Variants in FAM53B observed in about 807,000 individuals in gnomAD.
The protein encoded by FAM53B is protein FAM53B.
A neutral mutation model predicts 32.7 loss-of-function variants in FAM53B; 12 were observed. That is an observed-to-expected ratio of 0.37 (90% CI 0.24 to 0.59). The LOEUF (loss-of-function observed/expected upper bound fraction) is 0.59, where lower values mean the gene tolerates loss of function less well. Among genes scored for constraint, FAM53B ranks in the 20% least tolerant of loss-of-function variants. The pLI, the probability that FAM53B is intolerant of heterozygous loss-of-function variation, is 0.72. For missense variants in FAM53B, 477 were observed against 577.7 expected (o/e 0.83, Z 1.79); for synonymous variants, 234 against 228.7 (o/e 1.02, Z -0.21).
chr10:124,662,183 G>A (rs548775999), intron 4 of FAM53B, among the ~76,000 whole-genome samples: 2 of 152,222 alleles, frequency 1.3e-5, no homozygotes, highest in African/African-American at 2.4e-5. Context: ...TCCTGTGACC[G>A]TGGCCGCTAC....
intron 1 of FAM53B, among the ~76,000 whole-genome samples, chr10:124,717,685 T>C (rs1299689151): frequency 1.3e-5 from 2 of 152,180 alleles, no homozygotes; most frequent in Admixed American, 6.5e-5. Context: ...AGGATGGGGA[T>C]GTATGCGTGA....
At chr10:124,738,291 A>G (rs1352434834) in intron 1 of FAM53B, among the ~76,000 whole-genome samples, 2 of 151,972 alleles carry the variant, frequency 1.3e-5, no homozygotes, top group Non-Finnish European at 2.9e-5. Context: ...AAAGATACCA[A>G]TGCTGGGTTG....
intron 4 of FAM53B, among the ~76,000 whole-genome samples, chr10:124,638,074 C>T (rs189914700): frequency 6.6e-6 from 1 of 152,258 alleles, no homozygotes; most frequent in African/African-American, 2.4e-5. Flanking sequence ...TCCTGCCTGT[C>T]AACACTAGGA....
At chr10:124,734,974 C>T (rs1230598657) in intron 1 of FAM53B, among the ~76,000 whole-genome samples, 1 of 152,204 alleles carries the variant, frequency 6.6e-6, no homozygotes, top group Non-Finnish European at 1.5e-5. Flanking sequence ...AGCTCTTGCT[C>T]CTGCAGACTG....
At chr10:124,658,956 G>A (rs1039409111) in intron 4 of FAM53B, among the ~76,000 whole-genome samples, 2 of 152,178 alleles carry the variant, frequency 1.3e-5, no homozygotes, top group Non-Finnish European at 2.9e-5. Context: ...GCCTAGAACC[G>A]GCACCATGGC....
intron 4 of FAM53B, among the ~76,000 whole-genome samples, chr10:124,627,633 C>T (rs145241243): frequency 1.3e-5 from 2 of 152,284 alleles, no homozygotes; most frequent in East Asian, 3.9e-4. Flanking sequence ...GGACATGGAT[C>T]AAGACCTACT....
At chr10:124,662,450 ACACCCACC>A (rs1333369349) in intron 4 of FAM53B, among the ~76,000 whole-genome samples, 1 of 98,560 alleles carries the variant, frequency 1.0e-5, no homozygotes, top group African/African-American at 3.1e-5. Context: ...ACCCACCCAC[ACACCCACC>A]CACCCATCCA....
intron 1 of FAM53B, among the ~76,000 whole-genome samples, chr10:124,743,631 T>C (rs1044076756): frequency 3.3e-5 from 5 of 151,804 alleles, no homozygotes; most frequent in Non-Finnish European, 2.9e-5. Flanking sequence ...CCGCAGCGGC[T>C]AGTCAGGGCT....
rs771907079 is a variant in FAM53B, at chr10:124,623,529, G to T, written c.982C>A (p.Arg328Ser). The change falls in exon 5 of 5, where the codon CGC (arginine) becomes AGC (serine). Residue 328 changes from arginine (R) to serine (S), a missense_variant. By Grantham distance (110) the Arg-to-Ser change is moderately radical (BLOSUM62 -1). Around this residue, in one of 2 missense-constraint regions of FAM53B, gnomAD observed 165 missense variants for 157.5 expected, o/e 1.05. Transcript: ENST00000337318. ...EDCGPQSPFA[R>S]HVSNTRAWTA... is the part of the protein sequence containing the mutation. Reference sequence around the variant, plus strand: ...CAGGCCCTGGTGTTGCTGACGTGGCGGGCGAAGGGGCTCTGGGGACCGCAG... The same window carrying T: ...CAGGCCCTGGTGTTGCTGACGTGGCTGGCGAAGGGGCTCTGGGGACCGCAG... 1.3e-6 allele frequency: 2 copies of T among 1,552,334 alleles called. No individual in the cohort carries two copies. Among genetic ancestry groups the T allele is most frequent in the Non-Finnish European group, 1.7e-6 (2 of 1,149,848 alleles).
At chr10:124,677,539 G>T (rs1195813166) in intron 4 of FAM53B, among the ~76,000 whole-genome samples, 1 of 152,242 alleles carries the variant, frequency 6.6e-6, no homozygotes, top group Admixed American at 6.5e-5. Context: ...AGGGAGGGCG[G>T]CCACTGCTGG....
chr10:124,679,626 GCA>G (rs1949756651), intron 4 of FAM53B, among the ~76,000 whole-genome samples: 1 of 152,236 alleles, frequency 6.6e-6, no homozygotes, highest in Non-Finnish European at 1.5e-5. Context: ...TAGGCCTTGG[GCA>G]CACACACTTT....
At chr10:124,706,208 C>T (rs933926115) in intron 2 of FAM53B, among the ~76,000 whole-genome samples, 14 of 152,188 alleles carry the variant, frequency 9.2e-5, no homozygotes, top group African/African-American at 2.9e-4. Context: ...CCTTCTTTCC[C>T]CATCATCTCC....
chr10:124,729,343 AC>A (rs1240319932), intron 1 of FAM53B, among the ~76,000 whole-genome samples: 1 of 152,198 alleles, frequency 6.6e-6, no homozygotes, highest in African/African-American at 2.4e-5. Flanking sequence ...GGAGGGGGAC[AC>A]GTAATCAAGG....
intron 3 of FAM53B, among the ~76,000 whole-genome samples, chr10:124,683,565 G>A (rs1332309383): frequency 6.6e-6 from 1 of 152,130 alleles, no homozygotes; most frequent in Non-Finnish European, 1.5e-5. Context: ...ACAGCCCCCT[G>A]AGTGCATGTA....
At chr10:124,669,958 AGGATTACAGGG>A (rs1407600308) in intron 4 of FAM53B, among the ~76,000 whole-genome samples, 1 of 150,416 alleles carries the variant, frequency 6.6e-6, no homozygotes, top group Non-Finnish European at 1.5e-5. Flanking sequence ...AGGGTGGGTG[AGGATTACAGGG>A]TGGGTGAGGA....
chr10:124,669,741 C>T (rs1949695466), intron 4 of FAM53B, among the ~76,000 whole-genome samples: 1 of 152,182 alleles, frequency 6.6e-6, no homozygotes, highest in South Asian at 2.1e-4. Context: ...GGCCCACGGG[C>T]TGTCGGGGCC....
chr10:124,704,417 C>T (rs1018581798), intron 2 of FAM53B: 6 of 152,220 alleles, frequency 3.9e-5, no homozygotes, highest in African/African-American at 1.4e-4. Context: ...TTTAAAAGTG[C>T]TAAGTGCCCA....
chr10:124,693,093 G>C (rs1247674321), intron 3 of FAM53B, among the ~76,000 whole-genome samples: 5 of 152,228 alleles, frequency 3.3e-5, no homozygotes, highest in Middle Eastern at 3.4e-3. Flanking sequence ...TTTTATCTTC[G>C]CACAGCATTG....
chr10:124,732,078 C>A (rs1481913791), intron 1 of FAM53B, among the ~76,000 whole-genome samples: 1 of 152,188 alleles, frequency 6.6e-6, no homozygotes, highest in Non-Finnish European at 1.5e-5. Context: ...CCCTAAGACA[C>A]CAGTGGCTGT....
Sources: gnomAD v4.1 joint callset for allele counts (sites outside exome capture counted in the v4.1 genomes callset) on GRCh38, gnomAD v4.1.1 for gene constraint, gnomAD v4.1.1 regional missense constraint, MANE v1.5 for transcripts, NCBI Gene and HGNC (gene_info 2026-07-23, HGNC 2026-07-21) for gene names.